Variants in NCOR1 observed in about 807,000 individuals in gnomAD.
The protein encoded by NCOR1 is nuclear receptor corepressor 1, also known as protein phosphatase 1, regulatory subunit 109.
A neutral mutation model predicts 288.1 loss-of-function variants in NCOR1; 63 were observed. The ratio of observed to expected loss-of-function variants is 0.22; its 90% CI spans 0.18 to 0.27. The LOEUF is 0.27. NCOR1 is among the 10% of genes least tolerant of loss of function. The pLI is 1.00. For synonymous variants in NCOR1, 1,007 were observed against 1,065.9 expected, an observed-to-expected ratio of 0.94 and a Z score of 1.08; for missense variants, 2,397 against 3,019.2, an observed-to-expected ratio of 0.79 and a Z score of 4.83.
intron 44 of NCOR1, among the ~76,000 whole-genome samples, chr17:16,036,052 G>A (rs531705718): frequency 9.2e-5 from 14 of 152,176 alleles, no homozygotes; most frequent in Non-Finnish European, 8.8e-5. Context: ...GCTCAGATCC[G>A]TCAGAGGAAT....
intron 40 of NCOR1, among the ~76,000 whole-genome samples, chr17:16,049,560 A>C (rs1477888769): frequency 6.6e-6 from 1 of 151,002 alleles, no homozygotes; most frequent in Non-Finnish European, 1.5e-5. Context: ...AGATAGACAC[A>C]CTGTTTAGCT....
intron 14 of NCOR1, among the ~76,000 whole-genome samples, chr17:16,127,190 T>A (rs564628890): frequency 1.3e-5 from 2 of 148,984 alleles, no homozygotes; most frequent in Non-Finnish European, 3.0e-5. Context: ...TATCTGTATG[T>A]ATATATACAT....
At chr17:16,184,866 T>C (rs2086271734) in intron 3 of NCOR1, among the ~76,000 whole-genome samples, 1 of 152,138 alleles carries the variant, frequency 6.6e-6, no homozygotes, top group South Asian at 2.1e-4. Context: ...ATATACACTA[T>C]GGAATATTAT....
chr17:16,129,080 C>T (rs2075207219), intron 14 of NCOR1, among the ~76,000 whole-genome samples: 1 of 152,162 alleles, frequency 6.6e-6, no homozygotes. Context: ...CATTATTTTT[C>T]AGATTTCAAA....
chr17:16,215,287 C>T, intron 1 of NCOR1, 75 bp downstream of exon 1: 1 of 389,180 alleles, frequency 2.6e-6, no homozygotes, highest in Admixed American at 4.5e-5. Flanking sequence ...GCGGCTGCTG[C>T]CCCGGGAGCC....
chr17:16,080,146 G>A (rs1567884537), intron 25 of NCOR1, 82 bp from the exon 26 acceptor site: 6 of 1,132,694 alleles, frequency 5.3e-6, no homozygotes, highest in Middle Eastern at 2.0e-4. Context: ...ACTTGGGAGA[G>A]TACTCAACTA....
chr17:16,059,708 A>G (rs188689097), intron 37 of NCOR1, among the ~76,000 whole-genome samples: 1 of 152,326 alleles, frequency 6.6e-6, no homozygotes, highest in Non-Finnish European at 1.5e-5. Flanking sequence ...ATCTGAGAGC[A>G]CTGTCAGAGC....
At chr17:16,147,547 T>C (rs138354424) in intron 9 of NCOR1, among the ~76,000 whole-genome samples, 1 of 152,224 alleles carries the variant, frequency 6.6e-6, no homozygotes, top group Admixed American at 6.5e-5. Flanking sequence ...ACTGTCAACA[T>C]ATCTGATGAC....
chr17:16,139,769 TG>T (rs1475628566), intron 11 of NCOR1, among the ~76,000 whole-genome samples: 2 of 152,236 alleles, frequency 1.3e-5, no homozygotes, highest in Non-Finnish European at 2.9e-5. Context: ...ACTAAAACTT[TG>T]TTACACGTGC....
At chr17:16,187,200 G>GT (rs528053156) in intron 2 of NCOR1, among the ~76,000 whole-genome samples, 3,338 of 136,072 alleles carry the variant, frequency 0.025, 66 homozygotes, top group East Asian at 0.052. Context: ...GTTGGTTGTT[G>GT]TTTTTTTTTT....
intron 1 of NCOR1, among the ~76,000 whole-genome samples, chr17:16,210,855 G>A (rs1404563571): frequency 6.6e-6 from 1 of 151,626 alleles, no homozygotes; most frequent in African/African-American, 2.4e-5. Context: ...TCAGCCTCCC[G>A]AGTAGCTGGC....
intron 26 of NCOR1, among the ~76,000 whole-genome samples, chr17:16,077,408 G>C (rs2062628880): frequency 6.9e-6 from 1 of 144,400 alleles, no homozygotes; most frequent in African/African-American, 2.6e-5. Context: ...TGTCAAAAAA[G>C]CAAGCAAGCA....
intron 3 of NCOR1, among the ~76,000 whole-genome samples, chr17:16,182,855 A>T (rs1188657919): frequency 6.6e-6 from 1 of 152,186 alleles, no homozygotes; most frequent in East Asian, 1.9e-4. Context: ...AGAAGAAAAG[A>T]AATAAAAATT....
chr17:16,029,281 C>T lies in NCOR1; in HGVS notation c.*3015G>A, dbSNP rs1971747829. 2.2e-6 allele frequency: 1 copy of T among 453,016 alleles called. No individual in the cohort carries two copies. The highest frequency in any genetic ancestry group is 1.6e-5 in the South Asian group (1 of 63,972). The allele number at this position is 453,016 out of a possible 1,614,324, so 28.1% of individuals were successfully genotyped here. On this transcript the variant is annotated 3_prime_UTR_variant, in exon 46 of 46. Coordinates refer to ENST00000268712, the MANE Select transcript of NCOR1 (RefSeq NM_006311.4). ...TCTCTTCATGTGGGTGTTTTCATTACAGTTCATTTACACTGTTGTAAAATA... is the reference window on the plus strand; with the variant it reads ...TCTCTTCATGTGGGTGTTTTCATTATAGTTCATTTACACTGTTGTAAAATA...
chr17:16,170,760 G>A (rs1344000679), intron 4 of NCOR1, among the ~76,000 whole-genome samples: 1 of 151,618 alleles, frequency 6.6e-6, no homozygotes, highest in Non-Finnish European at 1.5e-5. Context: ...GCTTGAACCA[G>A]GACCCGGGAG....
intron 22 of NCOR1, among the ~76,000 whole-genome samples, chr17:16,089,488 A>G (rs1490378852): frequency 6.6e-6 from 1 of 152,108 alleles, no homozygotes; most frequent in African/African-American, 2.4e-5. Flanking sequence ...GCTTTAAGCA[A>G]CTTAAAACAG....
Position 16,127,333 on chromosome 17 carries a change from A to G in NCOR1, c.1510-1127T>C, listed in dbSNP as rs62636955. Among the ~76,000 whole-genome samples the G allele has an allele frequency of 2.8e-3, 152 of 54,714 alleles. 48 individuals are homozygous for G. The highest frequency in any genetic ancestry group is 6.8e-3 in the African/African-American group (144 of 21,290). The allele number at this position is 54,714 out of a possible 152,430, so 35.9% of individuals were successfully genotyped here. A position where few individuals can be genotyped will look rare whatever the true frequency, so the allele number is the denominator to read the frequency against. ...TACATGTATGTATATATGTATGTAT[A>G]TATACATGTATGTATATATGTATGT... On this transcript the variant is annotated intron_variant, in intron 14 of 45. Coordinates refer to ENST00000268712, the MANE Select transcript of NCOR1 (RefSeq NM_006311.4).
rs2153057115 is a variant in NCOR1 at position 16,108,919 on chromosome 17, G to C, written c.2056-7C>G. The C allele has an allele frequency of 1.3e-6, 2 of 1,556,736 alleles. No homozygotes were observed. Among genetic ancestry groups the C allele is most frequent in the South Asian group, 1.2e-5 (1 of 81,088 alleles). On this transcript the variant is annotated splice_polypyrimidine_tract_variant and splice_region_variant and intron_variant, in intron 18 of 45. Transcript: ENST00000268712. ...CACGAGGTTTTCGTGAAGTCTAAAG[G>C]AGGAAAGAGTATTATTTGATTTAAA...
At chr17:16,144,321 G>A (rs1212695148) in intron 10 of NCOR1, among the ~76,000 whole-genome samples, 2 of 152,110 alleles carry the variant, frequency 1.3e-5, no homozygotes, top group Non-Finnish European at 2.9e-5. Flanking sequence ...ATACTTTTAG[G>A]AACTTCAGAA....
Sources: allele counts gnomAD v4.1 joint callset (sites outside exome capture counted in the v4.1 genomes callset), GRCh38; gene constraint gnomAD v4.1.1; transcripts MANE v1.5; gene names NCBI Gene and HGNC (gene_info 2026-07-23, HGNC 2026-07-21).